DNAI7: variants seen among roughly 807,000 people sequenced by gnomAD.
The protein encoded by DNAI7 is dynein axonemal intermediate chain 7.
In DNAI7, 78 loss-of-function variants were observed where a neutral mutation model predicts 86.6. That is an observed-to-expected ratio of 0.90 (90% confidence interval 0.75 to 1.09). DNAI7 has a LOEUF of 1.09. Among genes scored for constraint, DNAI7 ranks in the 50% least tolerant of loss-of-function variants. The pLI is 0.00. For missense variants in DNAI7, 753 were observed against 810.2 expected, an observed-to-expected ratio of 0.93 and a Z score of 0.86; for synonymous variants, 274 against 273.0, an observed-to-expected ratio of 1.00 and a Z score of -0.04.
chr12:25,141,955 A>G (rs2140812508), intron 9 of DNAI7, among the ~76,000 whole-genome samples: 1 of 152,308 alleles, frequency 6.6e-6, no homozygotes, highest in East Asian at 1.9e-4. Flanking sequence ...TCCTGAAAAA[A>G]CTAAAGGTAG....
Position 25,195,104 on chromosome 12 carries a change from T to G in DNAI7, c.-26A>C, listed in dbSNP as rs534659725. The G allele has an allele frequency of 3.1e-6, 5 of 1,612,608 alleles. No individual in the cohort carries two copies. In the South Asian group the frequency reaches 3.3e-5, roughly 11 times the overall value. On this transcript the variant is annotated 5_prime_UTR_variant, in exon 1 of 16. Coordinates refer to ENST00000395987, the MANE Select transcript of DNAI7 (RefSeq NM_018272.5). ...TAAGAGTCAAGCTCCACTGCAGTAGTCCGCAGAGTCGGAGCAGAAATTGTG... is the reference window on the plus strand; with the variant it reads ...TAAGAGTCAAGCTCCACTGCAGTAGGCCGCAGAGTCGGAGCAGAAATTGTG...
intron 2 of DNAI7, among the ~76,000 whole-genome samples, chr12:25,166,185 C>G (rs866238263): frequency 6.6e-6 from 1 of 152,198 alleles, no homozygotes; most frequent in African/African-American, 2.4e-5. Context: ...TATCACTCGC[C>G]TGCTACAGCA....
rs775744538 is a variant in DNAI7 at position 25,195,057 on chromosome 12, C to T, written c.3+19G>A. 2.5e-6 allele frequency: 4 copies of T among 1,614,238 alleles called. No homozygotes were observed. Among genetic ancestry groups the T allele is most frequent in the Middle Eastern group, 1.6e-4 (1 of 6,062 alleles). Reference sequence around the variant, plus strand: ...CAGTGGTCGCCCCTCCACCTGTCTGCCTCATTTGCCTTGCTCACCATTAAG... The same window carrying T: ...CAGTGGTCGCCCCTCCACCTGTCTGTCTCATTTGCCTTGCTCACCATTAAG... On this transcript the variant is annotated intron_variant, in intron 1 of 15. Coordinates refer to ENST00000395987, the MANE Select transcript of DNAI7 (RefSeq NM_018272.5).
At chr12:25,158,954 A>G (rs897858206) in intron 3 of DNAI7, among the ~76,000 whole-genome samples, 47 of 152,328 alleles carry the variant, frequency 3.1e-4, no homozygotes, top group Middle Eastern at 6.8e-3. Context: ...GGTGCTGGAG[A>G]GGATGTGGAG....
chr12:25,112,113 G>A (rs1773940751), intron 13 of DNAI7, among the ~76,000 whole-genome samples, 174 bp from the exon 14 acceptor site: 1 of 152,134 alleles, frequency 6.6e-6, no homozygotes, highest in East Asian at 1.9e-4. Context: ...CTGACACAAA[G>A]TCCCCATGTT....
intron 2 of DNAI7, among the ~76,000 whole-genome samples, chr12:25,176,907 T>A (rs1033129564): frequency 6.1e-4 from 90 of 147,156 alleles, no homozygotes; most frequent in African/African-American, 2.1e-3. Context: ...TTTTCTTTTT[T>A]TTTTTTTTTT....
downstream of DNAI7, chr12:25,107,942 AATT>A: frequency 6.2e-7 from 1 of 1,614,192 alleles, no homozygotes; most frequent in South Asian, 1.1e-5. Flanking sequence ...CTCACAGGCC[AATT>A]ATTCCAGAAG....
chr12:25,142,496 A>T (rs1162220860), intron 9 of DNAI7, among the ~76,000 whole-genome samples: 2 of 134,424 alleles, frequency 1.5e-5, no homozygotes, highest in Non-Finnish European at 3.1e-5. Context: ...CTTTTGAAAT[A>T]AAAAAAAAAC....
Position 25,172,449 on chromosome 12 carries a change from C to T in DNAI7, c.22-11252G>A, listed in dbSNP as rs60819057. On this transcript the variant is annotated intron_variant, in intron 2 of 15. Coordinates refer to ENST00000395987, the MANE Select transcript of DNAI7 (RefSeq NM_018272.5). ...TACAAAACACTGCTGAATGAAATCACAGACAACACAAACAAATGGAAACAC... is the reference window on the plus strand; with the variant it reads ...TACAAAACACTGCTGAATGAAATCATAGACAACACAAACAAATGGAAACAC... 3.5e-3 allele frequency among the ~76,000 whole-genome samples: 530 copies of T among 151,982 alleles called. 8 individuals carry two copies. Among genetic ancestry groups the T allele is most frequent in the African/African-American group, 0.012 (511 of 41,482 alleles).
chr12:25,144,433 CTCTT>C lies in DNAI7; in HGVS notation c.930_933del (p.Arg311GlyfsTer4), dbSNP rs1565713215. 6.2e-7 allele frequency: 1 copy of C among 1,614,152 alleles called. No homozygotes were observed. ...TCTTCCTCCTGAATTAAGTGAGACC[CTCTT>C]TCTTGTTGTTTGGACTCTTCTTCGA... is the stretch of plus-strand genomic sequence containing the variant. On this transcript the variant is annotated frameshift_variant, in exon 9 of 16. Transcript: ENST00000395987. LOFTEE classifies it high-confidence loss of function.
chr12:25,192,067 CG>C (rs1315502704), intron 1 of DNAI7, among the ~76,000 whole-genome samples: 1 of 152,158 alleles, frequency 6.6e-6, no homozygotes, highest in African/African-American at 2.4e-5. Context: ...CTAATTCACT[CG>C]GCAGATATTA....
chr12:25,109,234 C>G (rs77918457), intron 15 of DNAI7, among the ~76,000 whole-genome samples: 1 of 152,126 alleles, frequency 6.6e-6, no homozygotes, highest in East Asian at 1.9e-4. Flanking sequence ...AATACAGTGG[C>G]TTGTTTAGGC....
At chr12:25,142,308 T>C (rs1465474260) in intron 9 of DNAI7, among the ~76,000 whole-genome samples, 1 of 151,164 alleles carries the variant, frequency 6.6e-6, no homozygotes, top group Admixed American at 6.6e-5. Flanking sequence ...AGGATGCAAA[T>C]GCATAAGAAT....
intron 9 of DNAI7, among the ~76,000 whole-genome samples, chr12:25,127,260 C>T (rs1260496862): frequency 1.3e-5 from 2 of 152,102 alleles, no homozygotes; most frequent in African/African-American, 4.8e-5. Flanking sequence ...CATTTGCTGA[C>T]AATACAGGTA....
chr12:25,108,439 AAT>A lies in DNAI7; in HGVS notation c.*107_*108del. The A allele has an allele frequency of 1.1e-6, 1 of 942,124 alleles. No homozygotes were observed. The highest frequency in any genetic ancestry group is 2.5e-5 in the South Asian group (1 of 40,114). 58.4% of individuals were successfully genotyped at this position (942,124 alleles called of 1,614,324 possible). A position where few individuals can be genotyped will look rare whatever the true frequency, so the allele number is the denominator to read the frequency against. On this transcript the variant is annotated 3_prime_UTR_variant, in exon 16 of 16. Coordinates refer to ENST00000395987, the MANE Select transcript of DNAI7 (RefSeq NM_018272.5). ...AGAAAATGCAGATTAGAAAATTTTT[AAT>A]AGTTGATTTGAAATGTATTCATTCA...
rs773787691 is a variant in DNAI7 at position 25,194,851 on chromosome 12, T to A, written c.3+225A>T. The A allele has an allele frequency of 1.1e-5, 17 of 1,604,822 alleles. No homozygotes were observed. In the South Asian group the frequency reaches 1.9e-4, roughly 18 times the overall value. ...GGATACCGTGTGACAGCTTTGACCA[T>A]CTCCCGTTTGCAGAAACTGGTTTGG... On this transcript the variant is annotated intron_variant, in intron 1 of 15. Coordinates refer to ENST00000395987, the MANE Select transcript of DNAI7 (RefSeq NM_018272.5).
chr12:25,126,526 G>A (rs1306026191), intron 9 of DNAI7, among the ~76,000 whole-genome samples: 3 of 152,154 alleles, frequency 2.0e-5, no homozygotes, highest in Non-Finnish European at 4.4e-5. Flanking sequence ...CTAACTTGAG[G>A]AGGGACTGGA....
chr12:25,176,111 T>C (rs1254511352), intron 2 of DNAI7, among the ~76,000 whole-genome samples: 2 of 152,050 alleles, frequency 1.3e-5, no homozygotes, highest in Admixed American at 1.3e-4. Context: ...AGAATCTACA[T>C]ACCACAGAGA....
In DNAI7 at chr12:25,114,637, A is replaced by G. The variant is rs1398196940; in HGVS notation, c.1611+19T>C. ...TACCTCTGATACGATAGTACATAAC[A>G]GCTACAAGAGTAACTCACCTTAATT... On this transcript the variant is annotated intron_variant, in intron 13 of 15. Transcript: ENST00000395987. 6.5e-7 allele frequency: 1 copy of G among 1,531,910 alleles called. No homozygotes were observed. 94.9% of individuals were successfully genotyped at this position (1,531,910 alleles called of 1,614,324 possible).
Sources: allele counts gnomAD v4.1 joint callset (sites outside exome capture counted in the v4.1 genomes callset), GRCh38; gene constraint gnomAD v4.1.1; transcripts MANE v1.5; gene names NCBI Gene and HGNC (gene_info 2026-07-23, HGNC 2026-07-21).